Variants in GALNT13 observed in about 807,000 individuals in gnomAD.
GALNT13 encodes polypeptide N-acetylgalactosaminyltransferase 13.
GALNT13 carries 28 observed loss-of-function variants against 64.2 expected under a neutral mutation model. The observed-to-expected ratio is 0.44, with a 90% CI of 0.32 to 0.60. The LOEUF is 0.60. Ranked by LOEUF, GALNT13 falls within the 20% of genes least tolerant of loss-of-function variation. The pLI, the probability that GALNT13 is intolerant of heterozygous loss-of-function variation, is 0.05. For missense variants in GALNT13, 577 were observed against 669.8 expected (o/e 0.86, Z 1.53); for synonymous variants, 214 against 224.6 (o/e 0.95, Z 0.42).
intron 4 of GALNT13, among the ~76,000 whole-genome samples, chr2:154,197,916 T>A (rs1166210964): frequency 6.6e-6 from 1 of 151,454 alleles, no homozygotes; most frequent in Non-Finnish European, 1.5e-5. Flanking sequence ...AAAAGAAGCT[T>A]AACTTCATTG....
chr2:153,099,647 ATT>A, the GALNT13 span, among the ~76,000 whole-genome samples: 1 of 152,208 alleles, frequency 6.6e-6, no homozygotes, highest in South Asian at 2.1e-4. Flanking sequence ...ATGTGGGTAA[ATT>A]ATAGGTGTAA....
At chr2:153,735,169 G>A in the GALNT13 span, among the ~76,000 whole-genome samples, 1 of 151,950 alleles carries the variant, frequency 6.6e-6, no homozygotes, top group Non-Finnish European at 1.5e-5. Context: ...ATATACATGG[G>A]CATGCTCTAC....
At chr2:154,192,732 G>A (rs376299582) in intron 4 of GALNT13, among the ~76,000 whole-genome samples, 1 of 152,028 alleles carries the variant, frequency 6.6e-6, no homozygotes, top group African/African-American at 2.4e-5. Flanking sequence ...TTATTTAAAG[G>A]CTGATCTTGA....
chr2:153,823,035 A>C, the GALNT13 span, among the ~76,000 whole-genome samples: 8 of 152,264 alleles, frequency 5.3e-5, no homozygotes, highest in African/African-American at 9.6e-5. Context: ...GGCACACACA[A>C]AAAATAAAAT....
chr2:153,796,838 A>G, the GALNT13 span, among the ~76,000 whole-genome samples: 1 of 152,188 alleles, frequency 6.6e-6, no homozygotes, highest in East Asian at 1.9e-4. Flanking sequence ...GCCAGTTTAG[A>G]GTTAACTCAG....
chr2:154,085,991 C>G (rs1384664321), intron 3 of GALNT13, among the ~76,000 whole-genome samples: 1 of 151,738 alleles, frequency 6.6e-6, no homozygotes, highest in African/African-American at 2.4e-5. Flanking sequence ...GTAGTATACA[C>G]TGGAAAGCTG....
the GALNT13 span, among the ~76,000 whole-genome samples, chr2:153,339,058 G>T: frequency 3.9e-5 from 6 of 152,270 alleles, no homozygotes; most frequent in African/African-American, 1.4e-4. Context: ...TATCTTGGCT[G>T]TGTTGAATAA....
the GALNT13 span, among the ~76,000 whole-genome samples, chr2:153,203,367 A>T: frequency 6.6e-6 from 1 of 152,244 alleles, no homozygotes; most frequent in Non-Finnish European, 1.5e-5. Context: ...CTAAAGCAAC[A>T]CATTGAAAAT....
chr2:153,977,631 CA>C (rs1351895519), intron 3 of GALNT13, among the ~76,000 whole-genome samples: 1 of 152,100 alleles, frequency 6.6e-6, no homozygotes, highest in Non-Finnish European at 1.5e-5. Flanking sequence ...GAGACACAGC[CA>C]AACCATATCA....
At chr2:153,828,212 T>G in the GALNT13 span, among the ~76,000 whole-genome samples, 1 of 152,344 alleles carries the variant, frequency 6.6e-6, no homozygotes, top group Middle Eastern at 3.4e-3. Context: ...GTCTGGAGAA[T>G]GGCGATGGGC....
intron 3 of GALNT13, among the ~76,000 whole-genome samples, chr2:154,125,341 A>G (rs1331127089): frequency 6.6e-6 from 1 of 152,146 alleles, no homozygotes; most frequent in Non-Finnish European, 1.5e-5. Flanking sequence ...TGCAAGAAAT[A>G]AAGGTAAAGG....
chr2:154,284,258 A>G (rs1000436671), intron 8 of GALNT13, among the ~76,000 whole-genome samples: 1 of 152,146 alleles, frequency 6.6e-6, no homozygotes, highest in African/African-American at 2.4e-5. Flanking sequence ...CCTTTGACCA[A>G]CATCTTCTCT....
the GALNT13 span, among the ~76,000 whole-genome samples, chr2:153,774,883 C>G: frequency 6.6e-6 from 1 of 152,144 alleles, no homozygotes; most frequent in Non-Finnish European, 1.5e-5. Flanking sequence ...GCGCTCCAAC[C>G]TGGGAAACAG....
At chr2:153,583,336 A>G in the GALNT13 span, among the ~76,000 whole-genome samples, 2 of 152,232 alleles carry the variant, frequency 1.3e-5, no homozygotes, top group African/African-American at 4.8e-5. Context: ...TTCTTTTCCA[A>G]GATGGTTGAC....
At chr2:153,656,924 G>A in the GALNT13 span, among the ~76,000 whole-genome samples, 35 of 152,140 alleles carry the variant, frequency 2.3e-4, no homozygotes, top group Non-Finnish European at 4.0e-4. Context: ...TTAGGAGTTG[G>A]GGGATTGGCA....
the GALNT13 span, among the ~76,000 whole-genome samples, chr2:153,146,333 A>G: frequency 6.6e-6 from 1 of 151,746 alleles, no homozygotes; most frequent in Admixed American, 6.6e-5. Context: ...TATTCAGTTT[A>G]TTTGCCAAGT....
intron 3 of GALNT13, among the ~76,000 whole-genome samples, chr2:154,125,328 A>G (rs755889665): frequency 5.3e-5 from 8 of 152,168 alleles, no homozygotes; most frequent in Non-Finnish European, 1.0e-4. Context: ...ATTTAGGCTA[A>G]GATGCAAGAA....
intron 4 of GALNT13, among the ~76,000 whole-genome samples, chr2:154,163,049 G>A (rs916366779): frequency 2.0e-5 from 3 of 150,246 alleles, no homozygotes; most frequent in East Asian, 2.0e-4. Context: ...AGTTACATAC[G>A]TATACATGTG....
chr2:153,523,447 A>G, the GALNT13 span, among the ~76,000 whole-genome samples: 2 of 152,186 alleles, frequency 1.3e-5, no homozygotes, highest in African/African-American at 4.8e-5. Flanking sequence ...TCTTTTGTTC[A>G]TAAAAACAAA....
Sources: allele counts gnomAD v4.1 joint callset (sites outside exome capture counted in the v4.1 genomes callset), GRCh38; gene constraint gnomAD v4.1.1; transcripts MANE v1.5; gene names NCBI Gene and HGNC (gene_info 2026-07-23, HGNC 2026-07-21).